The following POLD3 variants were observed in gnomAD, a reference collection of about 807,000 sequenced individuals.
POLD3 encodes the protein DNA polymerase delta subunit 3.
Under a neutral mutation model 58.2 loss-of-function variants are expected in POLD3, and 19 were observed. The ratio of observed to expected loss-of-function variants is 0.33; its 90% CI spans 0.23 to 0.48. The LOEUF (loss-of-function observed/expected upper bound fraction) is 0.48, where lower values mean the gene tolerates loss of function less well. Ranked by LOEUF, POLD3 falls within the 20% of genes least tolerant of loss-of-function variation. The probability of loss-of-function intolerance (pLI) is 0.99; values close to 1 mark genes in which losing one functional copy is unlikely to be tolerated. For missense variants in POLD3, 504 were observed against 545.5 expected (o/e 0.92, Z 0.76); for synonymous variants, 172 against 193.5 (o/e 0.89, Z 0.92).
chr11:74,593,319 C>T (rs1462297936), intron 1 of POLD3, among the ~76,000 whole-genome samples: 1 of 152,058 alleles, frequency 6.6e-6, no homozygotes, highest in African/African-American at 2.4e-5. Flanking sequence ...GGTGGTATCC[C>T]GAGATGAGGA....
Position 74,625,510 on chromosome 11 carries a change from C to T in POLD3, c.836C>T (p.Ala279Val). ...ACGGAACCAAAGCTGGCAACTCCTG[C>T]AGGCCTGAAAAAATCCAGCAAAAAA... Reference protein sequence around the residue: ...SVTEPKLATPAGLKKSSKKAE... With the variant: ...SVTEPKLATPVGLKKSSKKAE... Residue 279 changes from alanine (A) to valine (V), a missense_variant, in exon 8 of 12, where the codon GCA becomes GTA. Ala to Val is a moderately conservative substitution (Grantham distance 64, BLOSUM62 0). Transcript: ENST00000263681. The T allele has an allele frequency of 6.2e-7, 1 of 1,613,698 alleles. No individual in the cohort carries two copies.
At chr11:74,655,395 G>A (rs915436073) in intron 4 of POLD3, among the ~76,000 whole-genome samples, 1 of 152,226 alleles carries the variant, frequency 6.6e-6, no homozygotes, top group Non-Finnish European at 1.5e-5. Context: ...GGAAATGTCA[G>A]ATTTCATAAT....
chr11:74,634,597 C>G lies in POLD3; in HGVS notation c.1021C>G (p.Pro341Ala). 6.2e-7 allele frequency: 1 copy of G among 1,602,200 alleles called. No individual in the cohort carries two copies. Among genetic ancestry groups the G allele is most frequent in the Non-Finnish European group, 8.6e-7 (1 of 1,169,188 alleles). Residue 341 changes from proline (P) to alanine (A), a missense_variant, in exon 10 of 12, where the codon CCT becomes GCT. This residue lies in a region of POLD3 where 385 missense variants were observed against 370.5 expected (regional missense o/e 1.04). Coordinates refer to ENST00000263681, the MANE Select transcript of POLD3 (RefSeq NM_006591.3). ...SSEDEVFPDSPGAYEAESPSP... is the reference protein window; with the variant it reads ...SSEDEVFPDSAGAYEAESPSP... ...CATTATTTCAGTCTTTCCAGACTCTCCTGGGGCTTATGAAGCTGAGTCACC... is the reference window on the plus strand; with the variant it reads ...CATTATTTCAGTCTTTCCAGACTCTGCTGGGGCTTATGAAGCTGAGTCACC...
At chr11:74,632,875 A>ATTACACACAC (rs1157307914) in intron 9 of POLD3, among the ~76,000 whole-genome samples, 58 of 59,248 alleles carry the variant, frequency 9.8e-4, no homozygotes, top group Middle Eastern at 9.8e-3. Context: ...TATTTAAGTA[A>ATTACACACAC]ATACACACAC....
chr11:74,604,406 C>T (rs2031604847), intron 2 of POLD3, among the ~76,000 whole-genome samples: 1 of 152,152 alleles, frequency 6.6e-6, no homozygotes, highest in East Asian at 1.9e-4. Flanking sequence ...GTATCATTGC[C>T]ACTGTTTTAA....
chr11:74,639,560 A>G (rs1006213535), intron 11 of POLD3, among the ~76,000 whole-genome samples: 3 of 152,240 alleles, frequency 2.0e-5, no homozygotes, highest in African/African-American at 7.2e-5. Context: ...TTTAGATAGC[A>G]TTGGTTATAC....
chr11:74,640,633 C>T lies in POLD3; in HGVS notation c.1268C>T (p.Ser423Leu). The T allele has an allele frequency of 6.2e-7, 1 of 1,609,642 alleles. No individual in the cohort carries two copies. The highest frequency in any genetic ancestry group is 1.1e-5 in the South Asian group (1 of 90,062). Residue 423 changes from serine to leucine, a missense_variant, in exon 12 of 12, where the codon TCA (serine) becomes TTA (leucine). Ser to Leu is a moderately radical substitution (Grantham distance 145, BLOSUM62 -2). Transcript: ENST00000263681. ...SEEELNMKTS[S>L]VHRPPAMTVK... is the part of the protein sequence containing the mutation. The stretch of plus-strand genomic sequence containing the variant: ...GAGGAGCTTAACATGAAGACATCCT[C>T]AGTACACAGACCCCCTGCCATGACT...
At chr11:74,637,935 T>A (rs2135180513) in intron 11 of POLD3, among the ~76,000 whole-genome samples, 1 of 152,284 alleles carries the variant, frequency 6.6e-6, no homozygotes, top group East Asian at 1.9e-4. Context: ...CATAGGGGGC[T>A]TGCCCTGTCC....
chr11:74,607,419 C>T (rs1051533313), intron 3 of POLD3, among the ~76,000 whole-genome samples: 24 of 150,448 alleles, frequency 1.6e-4, no homozygotes, highest in African/African-American at 3.4e-4. Flanking sequence ...CCCGCCACCA[C>T]GCCCGGCTAA....
At position 74,642,390 on chromosome 11, in the gene POLD3, G is replaced by T. The variant is rs1267894487; in HGVS notation, c.*1624G>T. 1 of 984,988 alleles carries T rather than the reference G, an allele frequency of 1.0e-6. No individual in the cohort carries two copies. The highest frequency in any genetic ancestry group is 1.2e-6 in the Non-Finnish European group (1 of 829,652). 61.0% of individuals were successfully genotyped at this position (984,988 alleles called of 1,614,324 possible). A position where few individuals can be genotyped will look rare whatever the true frequency, so the allele number is the denominator to read the frequency against. On this transcript the variant is annotated 3_prime_UTR_variant, in exon 12 of 12. Coordinates refer to ENST00000263681, the MANE Select transcript of POLD3 (RefSeq NM_006591.3). ...AACCTTTAGAAAAAACTTCTGGAGA[G>T]AAATCCCTTTTAAACAGTTACTTTT...
intron 3 of POLD3, among the ~76,000 whole-genome samples, chr11:74,606,601 G>A (rs1030926110): frequency 4.6e-5 from 7 of 152,062 alleles, no homozygotes; most frequent in Admixed American, 2.6e-4. Flanking sequence ...AAGAATTTAC[G>A]TTTTGAGATA....
chr11:74,592,821 ACCAGGGGAGACAGGT>A, intron 1 of POLD3, 103 bp downstream of exon 1: 1 of 1,546,790 alleles, frequency 6.5e-7, no homozygotes, highest in Non-Finnish European at 8.7e-7. Context: ...CTTCGTGGGG[ACCAGGGGAGACAGGT>A]CCCCACGAGG....
At chr11:74,624,849 T>C (rs942461022) in intron 7 of POLD3, among the ~76,000 whole-genome samples, 1 of 152,210 alleles carries the variant, frequency 6.6e-6, no homozygotes, top group Non-Finnish European at 1.5e-5. Flanking sequence ...TATGATAATC[T>C]TGTAAATATT....
chr11:74,620,058 G>A lies in POLD3; in HGVS notation c.702G>A (p.Met234Ile). Reference sequence around the variant, plus strand: ...ACAAGGCACCAGGGAAAGGGAATATGATGAGCAACTTTTTTGGAAAAGCTG... The same window carrying A: ...ACAAGGCACCAGGGAAAGGGAATATAATGAGCAACTTTTTTGGAAAAGCTG... ...AGNKAPGKGN[M>I]MSNFFGKAAM... The change falls in exon 7 of 12, where the codon ATG becomes ATA. Residue 234 changes from methionine to isoleucine, a missense_variant. Around this residue, in one of 2 missense-constraint regions of POLD3, gnomAD observed 385 missense variants for 370.5 expected, o/e 1.04. Coordinates refer to ENST00000263681, the MANE Select transcript of POLD3 (RefSeq NM_006591.3). 6.2e-7 allele frequency: 1 copy of A among 1,613,762 alleles called. No homozygotes were observed. Among genetic ancestry groups the A allele is most frequent in the Non-Finnish European group, 8.5e-7 (1 of 1,179,674 alleles).
At chr11:74,601,968 A>G (rs1287321463) in intron 2 of POLD3, among the ~76,000 whole-genome samples, 1 of 152,196 alleles carries the variant, frequency 6.6e-6, no homozygotes, top group Admixed American at 6.5e-5. Context: ...TTCATTAAGG[A>G]TGAAGATAGT....
chr11:74,635,843 T>C (rs947867224), intron 10 of POLD3, among the ~76,000 whole-genome samples: 2 of 152,238 alleles, frequency 1.3e-5, no homozygotes, highest in Admixed American at 6.5e-5. Flanking sequence ...TGTATTGCAG[T>C]GGTCTGCTTT....
intron 5 of POLD3, among the ~76,000 whole-genome samples, chr11:74,617,699 C>A (rs530819197): frequency 1.3e-4 from 20 of 152,248 alleles, no homozygotes; most frequent in African/African-American, 4.8e-4. Context: ...TGCACCTGGC[C>A]TCTTCTTTGT....
chr11:74,608,950 G>C (rs2031791532), intron 3 of POLD3, among the ~76,000 whole-genome samples: 1 of 151,980 alleles, frequency 6.6e-6, no homozygotes, highest in Admixed American at 6.6e-5. Flanking sequence ...TCAAACTTAT[G>C]GTTACACTTT....
intron 4 of POLD3, among the ~76,000 whole-genome samples, chr11:74,665,714 T>C (rs2033260853): frequency 6.6e-6 from 1 of 152,018 alleles, no homozygotes. Flanking sequence ...TCATAATTTT[T>C]AAAAAACACT....
Sources: gnomAD v4.1 joint callset for allele counts (sites outside exome capture counted in the v4.1 genomes callset) on GRCh38, gnomAD v4.1.1 for gene constraint, gnomAD v4.1.1 regional missense constraint, MANE v1.5 for transcripts, NCBI Gene and HGNC (gene_info 2026-07-23, HGNC 2026-07-21) for gene names.